The following SMAD6 variants were observed in gnomAD, a reference collection of about 807,000 sequenced individuals.
SMAD6 encodes the protein SMAD family member 6.
SMAD6 carries 103 observed loss-of-function variants against 39.4 expected under a neutral mutation model. That is an observed-to-expected ratio of 2.62 (90% CI 2.23 to 3.08). The LOEUF (loss-of-function observed/expected upper bound fraction) is 3.08. Among genes scored for constraint, SMAD6 ranks in the 30% most tolerant of loss-of-function variants. The probability of loss-of-function intolerance (pLI) is 0.00; values close to 1 mark genes in which losing one functional copy is unlikely to be tolerated. For synonymous variants in SMAD6, 445 were observed against 353.3 expected, an observed-to-expected ratio of 1.26 and a Z score of -2.91; for missense variants, 1,104 against 742.9, an observed-to-expected ratio of 1.49 and a Z score of -5.65.
chr15:66,714,405 A>G (rs918481724), intron 2 of SMAD6, among the ~76,000 whole-genome samples: 1 of 152,162 alleles, frequency 6.6e-6, no homozygotes. Context: ...AATCCAAAGA[A>G]GCATAATATT....
Position 66,747,149 on chromosome 15 carries a change from C to G in SMAD6, c.952+30651C>G, listed in dbSNP as rs1484958694. ...TCCAGTTGATCTTCCCTGAGAGGAT[C>G]CAGCCAGGAGGACAGAAATTCTTAT... is the stretch of plus-strand genomic sequence containing the variant. On this transcript the variant is annotated intron_variant, in intron 3 of 3. Coordinates refer to ENST00000288840, the MANE Select transcript of SMAD6 (RefSeq NM_005585.5). This position sits in a 1 kb window ranked among gnomAD's most constrained non-coding sequence, Gnocchi z 4.5. Among the ~76,000 whole-genome samples, 4 of 152,234 alleles carry G rather than the reference C, an allele frequency of 2.6e-5. No homozygotes were observed. Among genetic ancestry groups the G allele is most frequent in the Non-Finnish European group, 5.9e-5 (4 of 68,040 alleles).
intron 3 of SMAD6, among the ~76,000 whole-genome samples, chr15:66,743,076 G>A (rs1406629276): frequency 6.6e-6 from 1 of 152,090 alleles, no homozygotes; most frequent in Non-Finnish European, 1.5e-5. Context: ...GCCCTGCCAT[G>A]TGTCACCCTG....
chr15:66,779,388 T>TG (rs1353039925), intron 3 of SMAD6, among the ~76,000 whole-genome samples: 10 of 152,210 alleles, frequency 6.6e-5, no homozygotes, highest in African/African-American at 2.4e-4. Context: ...AGGACTTGGA[T>TG]TACCCCCCAG....
intron 3 of SMAD6, among the ~76,000 whole-genome samples, chr15:66,736,227 G>C (rs1261464956): frequency 6.6e-6 from 1 of 152,152 alleles, no homozygotes; most frequent in East Asian, 1.9e-4. Flanking sequence ...CAAAAAACAG[G>C]ATGCCCATTT....
intron 3 of SMAD6, among the ~76,000 whole-genome samples, chr15:66,761,606 G>A (rs1385693197): frequency 6.6e-6 from 1 of 152,158 alleles, no homozygotes; most frequent in African/African-American, 2.4e-5. Context: ...TATCTAGGAC[G>A]GGGGGCCCTT....
At chr15:66,758,650 C>T (rs1894144652) in intron 3 of SMAD6, among the ~76,000 whole-genome samples, 1 of 152,022 alleles carries the variant, frequency 6.6e-6, no homozygotes, top group South Asian at 2.1e-4. Context: ...ATCACTTGAA[C>T]CTGGGAGGCA....
rs1168333144 is a variant in SMAD6, at chr15:66,703,372, C to G, written c.114C>G (p.Ser38Arg). ...GGGGGGDEDG[S>R]LGSRAEPAPR... ...GCGGTGGCGGCGACGAGGATGGGAG[C>G]TTGGGCAGCCGAGCTGAGCCGGCCC... Residue 38 changes from serine (S) to arginine (R), a missense_variant, in exon 1 of 4, where the codon AGC becomes AGG. By Grantham distance (110) the Ser-to-Arg change is moderately radical. Coordinates refer to ENST00000288840, the MANE Select transcript of SMAD6 (RefSeq NM_005585.5). The G allele has an allele frequency of 2.7e-6, 4 of 1,462,480 alleles. No homozygotes were observed. Among genetic ancestry groups the G allele is most frequent in the South Asian group, 1.4e-5 (1 of 73,468 alleles). 90.6% of individuals were successfully genotyped at this position (1,462,480 alleles called of 1,614,324 possible). A position where few individuals can be genotyped will look rare whatever the true frequency, so the allele number is the denominator to read the frequency against.
chr15:66,735,513 C>G (rs989821475), intron 3 of SMAD6, among the ~76,000 whole-genome samples: 3 of 152,158 alleles, frequency 2.0e-5, no homozygotes, highest in Admixed American at 6.5e-5. Flanking sequence ...ACTGTTGAAT[C>G]TGGGTGAGAG....
At chr15:66,759,897 C>G (rs950906649) in intron 3 of SMAD6, among the ~76,000 whole-genome samples, 1 of 152,216 alleles carries the variant, frequency 6.6e-6, no homozygotes, top group Non-Finnish European at 1.5e-5. Flanking sequence ...GGTTCTGGCT[C>G]TCCTTGCCCA....
At chr15:66,723,602 G>A (rs1020043409) in intron 3 of SMAD6, among the ~76,000 whole-genome samples, 5 of 152,116 alleles carry the variant, frequency 3.3e-5, no homozygotes, top group African/African-American at 1.2e-4. Flanking sequence ...CTCAGGAGTT[G>A]GAGGCTATAG....
chr15:66,768,660 C>T (rs1220506150), intron 3 of SMAD6, among the ~76,000 whole-genome samples: 2 of 152,330 alleles, frequency 1.3e-5, no homozygotes, highest in South Asian at 2.1e-4. Flanking sequence ...CAATGGTTCT[C>T]CTCACCTACC....
chr15:66,777,583 A>AT (rs1894488575), intron 3 of SMAD6, among the ~76,000 whole-genome samples: 1 of 152,178 alleles, frequency 6.6e-6, no homozygotes, highest in Non-Finnish European at 1.5e-5. Flanking sequence ...CAAGGAATAT[A>AT]TGCAGCCCTG....
intron 3 of SMAD6, among the ~76,000 whole-genome samples, chr15:66,766,512 G>A (rs1894291415): frequency 6.6e-6 from 1 of 151,618 alleles, no homozygotes; most frequent in Non-Finnish European, 1.5e-5. Flanking sequence ...CATTAAATGA[G>A]ATGGGATACG....
Position 66,724,068 on chromosome 15 carries a change from C to G in SMAD6, c.952+7570C>G, listed in dbSNP as rs1486624480. On this transcript the variant is annotated intron_variant, in intron 3 of 3. Coordinates refer to ENST00000288840, the MANE Select transcript of SMAD6 (RefSeq NM_005585.5). ...AAAGCAAGGAGGCATGCAGTTAATA[C>G]CATATGTTCTAAGAGTTTGTGGCTA... Among the ~76,000 whole-genome samples the G allele has an allele frequency of 5.9e-5, 9 of 152,118 alleles. No individual in the cohort carries two copies. The East Asian group carries it at 1.7e-3, about 29-fold the overall frequency.
chr15:66,781,826 TCTCTTC>T lies in SMAD6; in HGVS notation c.*295_*300del. ...TCTTTCAATACAGATATATTTTCTT[TCTCTTC>T]CTCCTTCCTCTTCCTTACTTTTTAT... On this transcript the variant is annotated 3_prime_UTR_variant, in exon 4 of 4. Coordinates refer to ENST00000288840, the MANE Select transcript of SMAD6 (RefSeq NM_005585.5). 2.5e-6 allele frequency: 1 copy of T among 398,914 alleles called. No individual in the cohort carries two copies. Among genetic ancestry groups the T allele is most frequent in the Admixed American group, 4.4e-5 (1 of 22,734 alleles). The allele number at this position is 398,914 out of a possible 1,614,324, so 24.7% of individuals were successfully genotyped here.
intron 3 of SMAD6, among the ~76,000 whole-genome samples, chr15:66,721,173 A>G (rs180742640): frequency 7.2e-5 from 11 of 152,208 alleles, no homozygotes; most frequent in South Asian, 2.1e-4. Flanking sequence ...CAGCAAGCAG[A>G]GCAGCGTGGA....
chr15:66,708,826 AT>A, intron 1 of SMAD6: 1 of 452,928 alleles, frequency 2.2e-6, no homozygotes, highest in Non-Finnish European at 4.7e-6. Context: ...GATAAAAAAA[AT>A]GTCTTGTGTT....
At chr15:66,776,221 G>A (rs1038719968) in intron 3 of SMAD6, among the ~76,000 whole-genome samples, 1 of 152,158 alleles carries the variant, frequency 6.6e-6, no homozygotes, top group Non-Finnish European at 1.5e-5. Context: ...GTCATCCACA[G>A]TCCTATTGAG....
rs369093567 is a variant in SMAD6 at position 66,711,730 on chromosome 15, T to C, written c.874+6T>C. ...CGACGAGTACAAGCCACTGGGTAAG[T>C]GTGCCCTCCTTCCTACCCTTGCAGA... On this transcript the variant is annotated splice_donor_region_variant and intron_variant, in intron 2 of 3. Transcript: ENST00000288840. The C allele has an allele frequency of 6.2e-7, 1 of 1,611,392 alleles. No homozygotes were observed. The highest frequency in any genetic ancestry group is 1.3e-5 in the African/African-American group (1 of 74,842).
Sources: allele counts gnomAD v4.1 joint callset (sites outside exome capture counted in the v4.1 genomes callset), GRCh38; gene constraint gnomAD v4.1.1; non-coding constraint Gnocchi (gnomAD v3.1); transcripts MANE v1.5; gene names NCBI Gene and HGNC (gene_info 2026-07-23, HGNC 2026-07-21).